The following IGSF11 variants were observed in gnomAD, a reference collection of about 807,000 sequenced individuals.
The protein encoded by IGSF11 is CXADR like 1.
Under a neutral mutation model 41.0 loss-of-function variants are expected in IGSF11, and 22 were observed. That is an observed-to-expected ratio of 0.54 (90% CI 0.38 to 0.77). The LOEUF (loss-of-function observed/expected upper bound fraction) is 0.77, where lower values mean the gene tolerates loss of function less well. Among genes scored for constraint, IGSF11 ranks in the 30% least tolerant of loss-of-function variants. The pLI is 0.00. For synonymous variants in IGSF11, 219 were observed against 201.3 expected (o/e 1.09, Z -0.74); for missense variants, 444 against 530.8 (o/e 0.84, Z 1.61).
At chr3:119,060,194 A>G (rs766605699) in intron 1 of IGSF11, among the ~76,000 whole-genome samples, 1 of 152,172 alleles carries the variant, frequency 6.6e-6, no homozygotes, top group Non-Finnish European at 1.5e-5. Context: ...GTTGCTTGCA[A>G]CCAAGAACAT....
At chr3:119,062,076 G>T (rs1296139772) in intron 1 of IGSF11, among the ~76,000 whole-genome samples, 1 of 152,084 alleles carries the variant, frequency 6.6e-6, no homozygotes, top group Non-Finnish European at 1.5e-5. Context: ...TATTAGAATT[G>T]AATCAGGTAA....
At chr3:118,974,987 G>C (rs954267797) in intron 1 of IGSF11, among the ~76,000 whole-genome samples, 8 of 151,644 alleles carry the variant, frequency 5.3e-5, no homozygotes, top group Non-Finnish European at 1.2e-4. Flanking sequence ...TTACCTAACA[G>C]ATTAGGCCAT....
chr3:118,954,865 C>T (rs573855575), intron 1 of IGSF11, among the ~76,000 whole-genome samples: 1 of 152,048 alleles, frequency 6.6e-6, no homozygotes, highest in African/African-American at 2.4e-5. Context: ...AATGCGATAC[C>T]ACCTTACTCC....
At chr3:119,136,706 A>G (rs1415386088) in intron 1 of IGSF11, among the ~76,000 whole-genome samples, 1 of 152,182 alleles carries the variant, frequency 6.6e-6, no homozygotes, top group East Asian at 1.9e-4. Context: ...ACCCCAGTAC[A>G]TTAATAGCTG....
chr3:119,139,810 G>T (rs896382874), intron 1 of IGSF11, among the ~76,000 whole-genome samples: 1 of 152,150 alleles, frequency 6.6e-6, no homozygotes, highest in African/African-American at 2.4e-5. Flanking sequence ...TACAATAGCT[G>T]TGTGAATGGG....
At chr3:118,964,410 G>T (rs1042635253) in intron 1 of IGSF11, among the ~76,000 whole-genome samples, 2 of 152,034 alleles carry the variant, frequency 1.3e-5, no homozygotes, top group African/African-American at 2.4e-5. Flanking sequence ...GAAAAAAAGG[G>T]GTCAGGACAG....
At chr3:119,000,991 T>C (rs1936766340) in intron 1 of IGSF11, among the ~76,000 whole-genome samples, 1 of 152,172 alleles carries the variant, frequency 6.6e-6, no homozygotes, top group Non-Finnish European at 1.5e-5. Flanking sequence ...ATAATATTCC[T>C]TGCCTATTCT....
At chr3:118,991,455 T>C (rs1238145792) in intron 1 of IGSF11, among the ~76,000 whole-genome samples, 3 of 152,202 alleles carry the variant, frequency 2.0e-5, no homozygotes, top group Non-Finnish European at 4.4e-5. Flanking sequence ...CTGGGATAAA[T>C]AAGCCTTTTT....
chr3:119,128,914 C>G (rs1292818488), intron 1 of IGSF11, among the ~76,000 whole-genome samples: 3 of 152,122 alleles, frequency 2.0e-5, no homozygotes, highest in Non-Finnish European at 4.4e-5. Flanking sequence ...GGAACCAACC[C>G]AAATTCCCAT....
rs117508748 is a variant in IGSF11 at position 118,951,400 on chromosome 3, T to C, written c.53-21125A>G. Among the ~76,000 whole-genome samples the C allele has an allele frequency of 1.7e-3, 256 of 152,254 alleles. 3 individuals carry two copies. In the East Asian group the frequency reaches 0.039, roughly 23 times the overall value. On this transcript the variant is annotated intron_variant, in intron 1 of 6. Coordinates refer to ENST00000393775, the MANE Select transcript of IGSF11 (RefSeq NM_001015887.3). ...GGGTACTCCCCAGTTGGCCACTGTA[T>C]CTTAACATTTTCTAATTCTCCATCA...
At chr3:118,903,857 C>T (rs1288876762) in intron 6 of IGSF11, among the ~76,000 whole-genome samples, 1 of 152,070 alleles carries the variant, frequency 6.6e-6, no homozygotes, top group Admixed American at 6.6e-5. Context: ...TGATGCCTGG[C>T]CTAATCTAGA....
chr3:119,122,315 G>C (rs766842150), intron 1 of IGSF11, among the ~76,000 whole-genome samples: 1 of 152,162 alleles, frequency 6.6e-6, no homozygotes, highest in East Asian at 1.9e-4. Context: ...AAACAGAACC[G>C]AACTGTATAT....
chr3:119,047,439 A>C (rs1389726743), intron 1 of IGSF11, among the ~76,000 whole-genome samples: 3 of 152,206 alleles, frequency 2.0e-5, no homozygotes, highest in Admixed American at 2.0e-4. Flanking sequence ...TTCAAAAAGA[A>C]GAGCTAACTA....
intron 1 of IGSF11, among the ~76,000 whole-genome samples, chr3:118,963,335 T>C (rs1243176156): frequency 6.6e-6 from 1 of 152,188 alleles, no homozygotes; most frequent in African/African-American, 2.4e-5. Flanking sequence ...ATGGATTGTC[T>C]CTCTCTGACA....
chr3:118,998,095 T>C (rs1238952584), intron 1 of IGSF11, among the ~76,000 whole-genome samples: 3 of 152,130 alleles, frequency 2.0e-5, no homozygotes, highest in Non-Finnish European at 4.4e-5. Flanking sequence ...AATAATAATA[T>C]ATTTTCTTTT....
At position 119,122,330 on chromosome 3, in the gene IGSF11, G is replaced by A. The variant is rs149683353; in HGVS notation, c.-13-17125C>T. 2.5e-3 allele frequency among the ~76,000 whole-genome samples: 380 copies of A among 152,320 alleles called. 3 individuals carry two copies. The highest frequency in any genetic ancestry group is 0.014 in the Middle Eastern group (4 of 294). On this transcript the variant is annotated intron_variant, in intron 1 of 7. Transcript: ENST00000425327. The stretch of plus-strand genomic sequence containing the variant: ...AAACAGAACCGAACTGTATATAGCT[G>A]ATACCTGCCCACAAAGAAAGCATTT...
intron 4 of IGSF11, 146 bp downstream of exon 4, chr3:118,925,955 T>A (rs779885909): frequency 3.6e-5 from 17 of 478,276 alleles, no homozygotes; most frequent in Non-Finnish European, 5.2e-5. Flanking sequence ...TTATTCACTT[T>A]AAATTTGAAA....
chr3:119,037,175 G>A (rs1940947756), upstream of IGSF11, among the ~76,000 whole-genome samples: 2 of 152,152 alleles, frequency 1.3e-5, no homozygotes, highest in South Asian at 4.1e-4. Context: ...ATCCTAATCT[G>A]CTTTACGACC....
intron 1 of IGSF11, among the ~76,000 whole-genome samples, chr3:118,957,230 C>G (rs554842943): frequency 3.5e-4 from 54 of 152,282 alleles, no homozygotes; most frequent in African/African-American, 8.9e-4. Flanking sequence ...TCTCAACTGA[C>G]TAGACGATGT....
Sources: gnomAD v4.1 joint callset for allele counts (sites outside exome capture counted in the v4.1 genomes callset) on GRCh38, gnomAD v4.1.1 for gene constraint, MANE v1.5 for transcripts, NCBI Gene and HGNC (gene_info 2026-07-23, HGNC 2026-07-21) for gene names.